The following FTCDNL1 variants were observed in gnomAD, a reference collection of about 807,000 sequenced individuals.
FTCDNL1 encodes formiminotransferase cyclodeaminase N-terminal like.
A neutral mutation model predicts 5.9 loss-of-function variants in FTCDNL1; 11 were observed. That is an observed-to-expected ratio of 1.87 (90% CI 1.18 to 3.10). The LOEUF is 3.10. Among genes scored for constraint, FTCDNL1 ranks in the 30% most tolerant of loss-of-function variants. The probability of loss-of-function intolerance (pLI) is 0.00; values close to 1 mark genes in which losing one functional copy is unlikely to be tolerated. For missense variants in FTCDNL1, 115 were observed against 65.5 expected, an observed-to-expected ratio of 1.76 and a Z score of -2.61; for synonymous variants, 58 against 24.8, an observed-to-expected ratio of 2.34 and a Z score of -3.99.
chr2:199,726,332 A>G, the FTCDNL1 span, among the ~76,000 whole-genome samples: 1 of 152,200 alleles, frequency 6.6e-6, no homozygotes, highest in Non-Finnish European at 1.5e-5. Flanking sequence ...GGGTTAGAAT[A>G]TACCCCTTTA....
At chr2:199,750,781 C>G in the FTCDNL1 span, among the ~76,000 whole-genome samples, 1 of 152,354 alleles carries the variant, frequency 6.6e-6, no homozygotes, top group African/African-American at 2.4e-5. Context: ...ATGAAAGTAG[C>G]TACCTTACTT....
At chr2:199,667,990 C>A in the FTCDNL1 span, among the ~76,000 whole-genome samples, 1 of 152,172 alleles carries the variant, frequency 6.6e-6, no homozygotes, top group Non-Finnish European at 1.5e-5. Context: ...TATTTTACAT[C>A]ATGTGCTAAA....
the FTCDNL1 span, among the ~76,000 whole-genome samples, chr2:199,751,464 G>A: frequency 5.9e-5 from 9 of 152,176 alleles, no homozygotes; most frequent in South Asian, 2.1e-4. Context: ...ACATCTGTCC[G>A]AGGGGAGGTG....
the FTCDNL1 span, among the ~76,000 whole-genome samples, chr2:199,678,426 A>G: frequency 9.8e-5 from 15 of 152,294 alleles, no homozygotes; most frequent in African/African-American, 3.1e-4. Context: ...CTTGAAATGC[A>G]GTTGTTAAAG....
At chr2:199,825,163 GA>G (rs982101486) in intron 3 of FTCDNL1, among the ~76,000 whole-genome samples, 2 of 150,280 alleles carry the variant, frequency 1.3e-5, no homozygotes, top group African/African-American at 2.4e-5. Context: ...AAAAGAAAAA[GA>G]AAAAAAAGAT....
At chr2:199,764,419 C>T (rs1434002560) in intron 3 of FTCDNL1, among the ~76,000 whole-genome samples, 4 of 152,188 alleles carry the variant, frequency 2.6e-5, no homozygotes, top group South Asian at 2.1e-4. Flanking sequence ...GGCTCTGGGG[C>T]CTTCTGTTAG....
At chr2:199,735,851 G>C in the FTCDNL1 span, among the ~76,000 whole-genome samples, 9 of 152,146 alleles carry the variant, frequency 5.9e-5, no homozygotes, top group African/African-American at 1.9e-4. Context: ...GCATATTTGT[G>C]AATGAATACA....
chr2:199,762,546 C>G (rs1272039667), intron 3 of FTCDNL1, among the ~76,000 whole-genome samples: 1 of 152,140 alleles, frequency 6.6e-6, no homozygotes, highest in Non-Finnish European at 1.5e-5. Flanking sequence ...CTGTCTTGTT[C>G]TCTGCTGTCT....
At chr2:199,738,447 A>C in the FTCDNL1 span, among the ~76,000 whole-genome samples, 1 of 152,238 alleles carries the variant, frequency 6.6e-6, no homozygotes, top group African/African-American at 2.4e-5. Context: ...AAAATGGTTT[A>C]TATTACAAGC....
chr2:199,683,621 G>A, the FTCDNL1 span, among the ~76,000 whole-genome samples: 1 of 151,042 alleles, frequency 6.6e-6, no homozygotes, highest in Non-Finnish European at 1.5e-5. Context: ...TCTTCTAGGA[G>A]CCCATAGTTG....
At chr2:199,734,326 C>T in the FTCDNL1 span, among the ~76,000 whole-genome samples, 1 of 152,150 alleles carries the variant, frequency 6.6e-6, no homozygotes, top group Non-Finnish European at 1.5e-5. Flanking sequence ...TTCTTAGAAG[C>T]AAATTTAAGG....
At chr2:199,774,280 C>T (rs1380132247) in intron 3 of FTCDNL1, among the ~76,000 whole-genome samples, 4 of 152,204 alleles carry the variant, frequency 2.6e-5, no homozygotes, top group Non-Finnish European at 5.9e-5. Context: ...TCAATATGCT[C>T]TCCCTTACCC....
the FTCDNL1 span, among the ~76,000 whole-genome samples, chr2:199,703,093 C>T: frequency 5.0e-3 from 765 of 151,956 alleles, 6 homozygotes; most frequent in African/African-American, 0.017. Flanking sequence ...TTAGGGTACA[C>T]GTGCACAATG....
At chr2:199,838,303 G>A (rs1193694010) in intron 3 of FTCDNL1, among the ~76,000 whole-genome samples, 1 of 152,216 alleles carries the variant, frequency 6.6e-6, no homozygotes, top group African/African-American at 2.4e-5. Context: ...ATGATTCCAA[G>A]TGAGGTGAAT....
the FTCDNL1 span, among the ~76,000 whole-genome samples, chr2:199,729,042 G>A: frequency 6.6e-6 from 1 of 152,296 alleles, no homozygotes; most frequent in Admixed American, 6.5e-5. Flanking sequence ...AAGTGCTGAG[G>A]CAAAGAGCCA....
At chr2:199,733,008 C>T in the FTCDNL1 span, among the ~76,000 whole-genome samples, 1 of 152,168 alleles carries the variant, frequency 6.6e-6, no homozygotes, top group African/African-American at 2.4e-5. Context: ...TTAATTCTAA[C>T]CTACAAAGCA....
At chr2:199,726,580 CT>C in the FTCDNL1 span, among the ~76,000 whole-genome samples, 2 of 152,154 alleles carry the variant, frequency 1.3e-5, no homozygotes, top group South Asian at 4.2e-4. Context: ...TTTGTGGGTT[CT>C]TTTTTGTTGA....
At chr2:199,690,487 C>T in the FTCDNL1 span, among the ~76,000 whole-genome samples, 2 of 152,156 alleles carry the variant, frequency 1.3e-5, no homozygotes, top group Admixed American at 1.3e-4. Flanking sequence ...GCTGAGCCCT[C>T]TCCTTGTAAT....
chr2:199,787,328 G>A (rs151279134), intron 3 of FTCDNL1, among the ~76,000 whole-genome samples: 76 of 152,020 alleles, frequency 5.0e-4, no homozygotes, highest in Non-Finnish European at 9.3e-4. Flanking sequence ...GATAACAGGC[G>A]CACACTACCA....
Sources: gnomAD v4.1 joint callset for allele counts (sites outside exome capture counted in the v4.1 genomes callset) on GRCh38, gnomAD v4.1.1 for gene constraint, MANE v1.5 for transcripts, NCBI Gene and HGNC (gene_info 2026-07-23, HGNC 2026-07-21) for gene names.